ACTR3C: variants seen among roughly 807,000 people sequenced by gnomAD.
ACTR3C encodes the protein actin related protein 3C, also known as actin-related protein 3C.
A neutral mutation model predicts 26.3 loss-of-function variants in ACTR3C; 18 were observed. The ratio of observed to expected loss-of-function variants is 0.68; its 90% CI spans 0.47 to 1.01. The LOEUF is 1.01. ACTR3C is among the 50% of genes least tolerant of loss of function. The pLI is 0.00. For synonymous variants in ACTR3C, 55 were observed against 94.5 expected, an observed-to-expected ratio of 0.58 and a Z score of 2.42; for missense variants, 184 against 250.7, an observed-to-expected ratio of 0.73 and a Z score of 1.80.
At chr7:150,257,180 A>T (rs1833278810) in intron 6 of ACTR3C, among the ~76,000 whole-genome samples, 1 of 152,194 alleles carries the variant, frequency 6.6e-6, no homozygotes, top group South Asian at 2.1e-4. Flanking sequence ...TTATAGCATT[A>T]AAAAAAGACC....
chr7:150,002,395 C>A, the ACTR3C span: 1 of 152,348 alleles, frequency 6.6e-6, no homozygotes, highest in African/African-American at 2.4e-5. Context: ...CTATATCACA[C>A]CACACCAAAT....
the ACTR3C span, chr7:150,076,481 T>G: frequency 6.6e-6 from 1 of 152,112 alleles, no homozygotes; most frequent in Non-Finnish European, 1.5e-5. Flanking sequence ...CCAGCTTTAG[T>G]CGTTTAATTC....
At chr7:150,083,911 G>A in the ACTR3C span, among the ~76,000 whole-genome samples, 81,860 of 151,560 alleles carry the variant, frequency 0.54, 23,175 homozygotes, top group East Asian at 0.77. Context: ...TACAGCCAGT[G>A]TAGAAAACAG....
chr7:150,248,954 TA>T lies in ACTR3C; in HGVS notation c.*31del. On this transcript the variant is annotated 3_prime_UTR_variant, in exon 7 of 8. Transcript: ENST00000683684. ...ATGAAAATCATGAGAATACCTCAAATAAAAGGCTACGCATGGGCTCAATATA... is the reference window on the plus strand; with the variant it reads ...ATGAAAATCATGAGAATACCTCAAATAAAGGCTACGCATGGGCTCAATATA... 1.0e-5 allele frequency: 6 copies of T among 575,504 alleles called. No individual in the cohort carries two copies. The highest frequency in any genetic ancestry group is 3.3e-5 in the Admixed American group (1 of 30,118). The allele number at this position is 575,504 out of a possible 1,614,324, so 35.6% of individuals were successfully genotyped here.
At chr7:150,196,843 T>TCTTAGTTCTTCTTTGTC in the ACTR3C span, among the ~76,000 whole-genome samples, 1 of 152,214 alleles carries the variant, frequency 6.6e-6, no homozygotes, top group African/African-American at 2.4e-5. Flanking sequence ...TCTTCTTTGT[T>TCTTAGTTCTTCTTTGTC]CTTAGTTCTT....
intron 3 of ACTR3C, among the ~76,000 whole-genome samples, chr7:150,292,489 T>C (rs568954637): frequency 1.3e-5 from 2 of 151,164 alleles, no homozygotes; most frequent in African/African-American, 4.9e-5. Context: ...TCTCCCCTTC[T>C]TGGCTTTTAA....
chr7:150,004,934 A>G, the ACTR3C span: 46 of 151,108 alleles, frequency 3.0e-4, no homozygotes, highest in African/African-American at 1.1e-3. Flanking sequence ...ATCCCAGACC[A>G]AGGTGGCAGT....
the ACTR3C span, among the ~76,000 whole-genome samples, chr7:150,067,891 C>A: frequency 1.3e-5 from 2 of 151,370 alleles, no homozygotes; most frequent in Non-Finnish European, 2.9e-5. Context: ...GGTTCTAGAT[C>A]TTTTTTGTCT....
At chr7:150,125,247 C>G in the ACTR3C span, among the ~76,000 whole-genome samples, 1 of 146,768 alleles carries the variant, frequency 6.8e-6, no homozygotes, top group Admixed American at 6.8e-5. Context: ...ATAGAACTCT[C>G]ATTGCAGTAT....
the ACTR3C span, among the ~76,000 whole-genome samples, chr7:150,058,177 T>C: frequency 6.6e-6 from 1 of 152,228 alleles, no homozygotes; most frequent in Admixed American, 6.5e-5. Context: ...ATCCTACGTT[T>C]GTACTGCACC....
chr7:150,087,760 T>A, the ACTR3C span, among the ~76,000 whole-genome samples: 5 of 152,128 alleles, frequency 3.3e-5, no homozygotes, highest in African/African-American at 9.7e-5. Context: ...GTAAACTGCC[T>A]CCAGAAGAAA....
the ACTR3C span, among the ~76,000 whole-genome samples, chr7:150,061,618 G>C: frequency 2.4e-5 from 1 of 41,464 alleles, no homozygotes; most frequent in Non-Finnish European, 5.3e-5. Context: ...GGTAAAAGTA[G>C]GAGAGAGTTT....
the ACTR3C span, among the ~76,000 whole-genome samples, chr7:150,080,279 T>C: frequency 6.6e-6 from 1 of 151,036 alleles, no homozygotes; most frequent in East Asian, 1.9e-4. Context: ...CGTTTATTCT[T>C]CCCCTTCTTT....
the ACTR3C span, among the ~76,000 whole-genome samples, chr7:150,050,324 T>G: frequency 6.6e-6 from 1 of 152,228 alleles, no homozygotes; most frequent in Non-Finnish European, 1.5e-5. Flanking sequence ...AGTTTATGTA[T>G]CATACATGAT....
At chr7:150,006,283 A>G in the ACTR3C span, among the ~76,000 whole-genome samples, 2 of 151,352 alleles carry the variant, frequency 1.3e-5, no homozygotes, top group South Asian at 2.1e-4. Flanking sequence ...TGCAAGCTCC[A>G]CCTCCTGGGT....
the ACTR3C span, among the ~76,000 whole-genome samples, chr7:150,216,312 C>T: frequency 6.6e-6 from 1 of 152,112 alleles, no homozygotes; most frequent in Non-Finnish European, 1.5e-5. Context: ...TGGGGATTTT[C>T]TTAACAATTA....
the ACTR3C span, chr7:150,044,927 G>C: frequency 1.2e-4 from 18 of 152,336 alleles, no homozygotes; most frequent in African/African-American, 4.1e-4. Flanking sequence ...AAGAGTGATG[G>C]AGATTTCTCC....
chr7:150,041,778 T>C, the ACTR3C span, among the ~76,000 whole-genome samples: 2 of 124,626 alleles, frequency 1.6e-5, no homozygotes, highest in Admixed American at 7.8e-5. Context: ...TGGCTCTCAG[T>C]CCCTGCCTCG....
chr7:150,127,353 C>G, the ACTR3C span, among the ~76,000 whole-genome samples: 15 of 152,256 alleles, frequency 9.9e-5, no homozygotes, highest in African/African-American at 3.4e-4. Context: ...AGGAATTCCT[C>G]CCCAGTCTTG....
Sources: gnomAD v4.1 joint callset for allele counts (sites outside exome capture counted in the v4.1 genomes callset) on GRCh38, gnomAD v4.1.1 for gene constraint, MANE v1.5 for transcripts, NCBI Gene and HGNC (gene_info 2026-07-23, HGNC 2026-07-21) for gene names.